The following PCDHGA4 variants were observed in gnomAD, a reference collection of about 807,000 sequenced individuals.
The protein encoded by PCDHGA4 is protocadherin gamma subfamily A, 4.
A neutral mutation model predicts 54.6 loss-of-function variants in PCDHGA4; 38 were observed. The observed-to-expected ratio is 0.70, with a 90% confidence interval of 0.54 to 0.91. PCDHGA4 has a LOEUF of 0.91. Among genes scored for constraint, PCDHGA4 ranks in the 40% least tolerant of loss-of-function variants. The pLI is 0.00. For synonymous variants in PCDHGA4, 511 were observed against 512.9 expected (o/e 1.00, Z 0.05); for missense variants, 1,298 against 1,220.9 (o/e 1.06, Z -0.94).
At chr5:141,510,534 C>T (rs1187165551) in intron 3 of PCDHGA4, among the ~76,000 whole-genome samples, 2 of 152,126 alleles carry the variant, frequency 1.3e-5, no homozygotes, top group African/African-American at 2.4e-5. Context: ...AGAGAAATAC[C>T]AGCGAATGTG....
At chr5:141,392,465 C>A (rs2092539675) in intron 1 of PCDHGA4, 2 of 174,278 alleles carry the variant, frequency 1.1e-5, no homozygotes, top group Admixed American at 6.2e-5. Flanking sequence ...ACGGATAAAT[C>A]AAATAAATTC....
At chr5:141,413,986 A>G (rs1464771336) in intron 1 of PCDHGA4, 1 of 1,613,554 alleles carries the variant, frequency 6.2e-7, no homozygotes, top group Admixed American at 1.7e-5. Flanking sequence ...AGTCACAGCC[A>G]CCGACAGGGA....
chr5:141,386,939 A>T (rs2150323633), intron 1 of PCDHGA4, among the ~76,000 whole-genome samples: 1 of 152,358 alleles, frequency 6.6e-6, no homozygotes, highest in South Asian at 2.1e-4. Flanking sequence ...AGAGGTAGGA[A>T]GCAGTGCTTC....
intron 1 of PCDHGA4, chr5:141,471,339 C>G (rs537413312): frequency 2.6e-5 from 4 of 152,366 alleles, no homozygotes; most frequent in Admixed American, 2.6e-4. Context: ...GTATGATCCA[C>G]TGCGCCCGGC....
In PCDHGA4 at chr5:141,356,001, T is replaced by C; in HGVS notation, c.894T>C (p.Thr298=). Residue 298 remains threonine, a synonymous_variant, in exon 1 of 4, where the codon ACT becomes ACC. Coordinates refer to ENST00000571252, the MANE Select transcript of PCDHGA4 (RefSeq NM_018917.4). The stretch of plus-strand genomic sequence containing the variant: ...CTCGGCTACTCACCGTAAAAGCCAC[T>C]GATCCAGATGAAGGAGCCAATGGAG... ...VGTRLLTVKA[T]DPDEGANGDV... 3.7e-6 allele frequency: 6 copies of C among 1,613,942 alleles called. No individual in the cohort carries two copies. The highest frequency in any genetic ancestry group is 5.1e-6 in the Non-Finnish European group (6 of 1,179,890).
chr5:141,473,374 G>A (rs1437989884), intron 1 of PCDHGA4, among the ~76,000 whole-genome samples: 1 of 152,204 alleles, frequency 6.6e-6, no homozygotes, highest in African/African-American at 2.4e-5. Context: ...AAATAGCATG[G>A]TCCCTGCCCT....
At chr5:141,404,516 T>G (rs968433488) in intron 1 of PCDHGA4, 1 of 1,613,754 alleles carries the variant, frequency 6.2e-7, no homozygotes, top group African/African-American at 1.3e-5. Flanking sequence ...CTCCTTTGAC[T>G]ATGAGCAGTT....
At position 141,490,328 on chromosome 5, in the gene PCDHGA4, C is replaced by T; in HGVS notation, c.2515-4479C>T. 2 of 1,614,228 alleles carry T rather than the reference C, an allele frequency of 1.2e-6. No homozygotes were observed. Among genetic ancestry groups the T allele is most frequent in the Non-Finnish European group, 1.7e-6 (2 of 1,180,048 alleles). Reference sequence around the variant, plus strand: ...TTGGCCAACCCTGTCCTAGAGAGCACACCAGTGGGCACAGTAGTGGGGTTG... The same window carrying T: ...TTGGCCAACCCTGTCCTAGAGAGCATACCAGTGGGCACAGTAGTGGGGTTG... On this transcript the variant is annotated intron_variant, in intron 1 of 3. Coordinates refer to ENST00000571252, the MANE Select transcript of PCDHGA4 (RefSeq NM_018917.4). The surrounding 1 kb of genome is among the most constrained non-coding windows in gnomAD (Gnocchi z 5.4).
At chr5:141,413,035 C>A (rs1481573261) in intron 1 of PCDHGA4, 2 of 800,134 alleles carry the variant, frequency 2.5e-6, no homozygotes, top group African/African-American at 1.7e-5. Context: ...AAACCGGCTG[C>A]TGGGCTGCAG....
At chr5:141,365,386 G>T (rs115453161) in intron 1 of PCDHGA4, 2 of 1,613,816 alleles carry the variant, frequency 1.2e-6, no homozygotes, top group African/African-American at 1.3e-5. Context: ...TCACCTCTCT[G>T]ACCAGTTCGA....
intron 1 of PCDHGA4, among the ~76,000 whole-genome samples, chr5:141,468,273 C>T (rs894110332): frequency 1.4e-5 from 2 of 144,550 alleles, no homozygotes; most frequent in Non-Finnish European, 3.0e-5. Flanking sequence ...TGTGGTGAGC[C>T]GAGACCACGC....
At chr5:141,452,879 A>C (rs1389712789) in intron 1 of PCDHGA4, among the ~76,000 whole-genome samples, 1 of 152,200 alleles carries the variant, frequency 6.6e-6, no homozygotes, top group Admixed American at 6.5e-5. Context: ...CATTTGTAAT[A>C]ATTTATTCCA....
rs376494807 is a variant in PCDHGA4 at position 141,491,836 on chromosome 5, G to A, written c.2515-2971G>A. 4.2e-5 allele frequency: 62 copies of A among 1,472,880 alleles called. No homozygotes were observed. The highest frequency in any genetic ancestry group is 3.6e-4 in the Middle Eastern group (2 of 5,606). 91.2% of individuals were successfully genotyped at this position (1,472,880 alleles called of 1,614,324 possible). A position where few individuals can be genotyped will look rare whatever the true frequency, so the allele number is the denominator to read the frequency against. On this transcript the variant is annotated intron_variant, in intron 1 of 3. Coordinates refer to ENST00000571252, the MANE Select transcript of PCDHGA4 (RefSeq NM_018917.4). This position sits in a 1 kb window ranked among gnomAD's most constrained non-coding sequence, Gnocchi z 6.9. ...CTGGCTGCGCTCCACCCGATTCTCG[G>A]GATCATTGGACCGTTTGCGCGAAAC...
chr5:141,419,777 C>T (rs976849391), intron 1 of PCDHGA4: 3 of 1,614,054 alleles, frequency 1.9e-6, no homozygotes, highest in Admixed American at 3.3e-5. Flanking sequence ...CTCGGTCCGC[C>T]AGCGCCTGCT....
intron 1 of PCDHGA4, chr5:141,370,230 C>T (rs1002647727): frequency 3.7e-5 from 22 of 587,906 alleles, no homozygotes; most frequent in African/African-American, 5.6e-5. Context: ...GCAGCCAGCT[C>T]GGAAGAAAAG....
chr5:141,413,371 C>T lies in PCDHGA4; in HGVS notation c.2514+55750C>T, dbSNP rs752898022. 3.7e-6 allele frequency: 6 copies of T among 1,613,966 alleles called. No individual in the cohort carries two copies. In the Admixed American group the frequency reaches 8.3e-5, roughly 22 times the overall value. On this transcript the variant is annotated intron_variant, in intron 1 of 3. Coordinates refer to ENST00000571252, the MANE Select transcript of PCDHGA4 (RefSeq NM_018917.4). ...TCTGGCGCCCCGGGAGCTGGCGGAG[C>T]GCGGAGTCCGCATAGTCTCCAGAGG...
Position 141,432,123 on chromosome 5 carries a change from C to T in PCDHGA4, c.2515-62684C>T. 6.2e-7 allele frequency: 1 copy of T among 1,614,172 alleles called. No homozygotes were observed. The highest frequency in any genetic ancestry group is 8.5e-7 in the Non-Finnish European group (1 of 1,180,042). ...GACAACCCGCCGGTCTTCCCTCAGGCCTCCTATTCCGCTTATATCCCAGAG... is the reference window on the plus strand; with the variant it reads ...GACAACCCGCCGGTCTTCCCTCAGGTCTCCTATTCCGCTTATATCCCAGAG... On this transcript the variant is annotated intron_variant, in intron 1 of 3. Coordinates refer to ENST00000571252, the MANE Select transcript of PCDHGA4 (RefSeq NM_018917.4). The surrounding 1 kb of genome is among the most constrained non-coding windows in gnomAD (Gnocchi z 6.0).
At chr5:141,428,081 C>G (rs768842388) in intron 1 of PCDHGA4, 3 of 1,609,218 alleles carry the variant, frequency 1.9e-6, no homozygotes, top group South Asian at 2.2e-5. Context: ...CGGGACACAA[C>G]GCTTGGCTGT....
chr5:141,498,865 G>A (rs2099786522), intron 2 of PCDHGA4, among the ~76,000 whole-genome samples: 1 of 151,116 alleles, frequency 6.6e-6, no homozygotes, highest in Non-Finnish European at 1.5e-5. Flanking sequence ...CCCAGGAGGC[G>A]GAGGTTGCAG....
Sources: gnomAD v4.1 joint callset for allele counts (sites outside exome capture counted in the v4.1 genomes callset) on GRCh38, gnomAD v4.1.1 for gene constraint, Gnocchi (gnomAD v3.1) non-coding constraint, MANE v1.5 for transcripts, NCBI Gene and HGNC (gene_info 2026-07-23, HGNC 2026-07-21) for gene names.